The following ZBTB46 variants were observed in gnomAD, a reference collection of about 807,000 sequenced individuals.
ZBTB46 encodes the protein zinc finger and BTB domain containing 46.
ZBTB46 carries 8 observed loss-of-function variants against 44.1 expected under a neutral mutation model. The observed-to-expected ratio is 0.18, with a 90% CI of 0.11 to 0.33. The LOEUF (loss-of-function observed/expected upper bound fraction) is 0.33, where lower values mean the gene tolerates loss of function less well. Ranked by LOEUF, ZBTB46 falls within the 10% of genes least tolerant of loss-of-function variation. The pLI, the probability that ZBTB46 is intolerant of heterozygous loss-of-function variation, is 1.00. For missense variants in ZBTB46, 651 were observed against 847.7 expected (o/e 0.77, Z 2.88); for synonymous variants, 409 against 382.3 (o/e 1.07, Z -0.81).
intron 3 of ZBTB46, among the ~76,000 whole-genome samples, chr20:63,759,624 G>A (rs980803618): frequency 5.3e-5 from 8 of 152,162 alleles, no homozygotes; most frequent in African/African-American, 1.9e-4. Flanking sequence ...ACATTAGGAA[G>A]GCAAGAGCTC....
chr20:63,802,246 A>C (rs2092651517), intron 1 of ZBTB46, among the ~76,000 whole-genome samples: 1 of 151,726 alleles, frequency 6.6e-6, no homozygotes, highest in African/African-American at 2.4e-5. Context: ...AACATGGTAA[A>C]CCCCCGTCTC....
chr20:63,815,269 C>T (rs4809360), intron 1 of ZBTB46: 20,979 of 200,520 alleles, frequency 0.1, 1,492 homozygotes, highest in East Asian at 0.48. Context: ...AGGTGGGCAC[C>T]GGTGCAGTGA....
At chr20:63,769,274 C>T (rs2092346965) in intron 3 of ZBTB46, 3 of 985,426 alleles carry the variant, frequency 3.0e-6, no homozygotes, top group Non-Finnish European at 3.6e-6. Context: ...GCTGTGCCGG[C>T]TCCCTGGGCT....
chr20:63,765,880 T>C (rs1273307434), intron 3 of ZBTB46, among the ~76,000 whole-genome samples: 1 of 152,236 alleles, frequency 6.6e-6, no homozygotes, highest in East Asian at 1.9e-4. Context: ...CTATGGCACA[T>C]GTCTACAATT....
In ZBTB46 at chr20:63,790,775, G is replaced by T. The variant is rs776930529; in HGVS notation, c.-18C>A. 6.3e-7 allele frequency: 1 copy of T among 1,582,038 alleles called. No homozygotes were observed. The highest frequency in any genetic ancestry group is 8.6e-7 in the Non-Finnish European group (1 of 1,166,850). On this transcript the variant is annotated 5_prime_UTR_variant, in exon 2 of 5. Coordinates refer to ENST00000245663, the MANE Select transcript of ZBTB46 (RefSeq NM_001369741.1). The stretch of plus-strand genomic sequence containing the variant: ...TTGTTCATTTGGAAGCCCTGGTGTC[G>T]CCTCTTCTACAGACTCTGTGGAGGT...
intron 3 of ZBTB46, among the ~76,000 whole-genome samples, chr20:63,771,507 G>A (rs6089986): frequency 0.56 from 85,776 of 152,036 alleles, 24,261 homozygotes; most frequent in South Asian, 0.61. Context: ...TCAGACCCCG[G>A]GGCTCAGTTC....
chr20:63,807,604 CAA>C (rs1380981471), intron 1 of ZBTB46, among the ~76,000 whole-genome samples: 1 of 152,232 alleles, frequency 6.6e-6, no homozygotes, highest in African/African-American at 2.4e-5. Flanking sequence ...CTCGGCCTCC[CAA>C]AGTGTTGGGA....
At chr20:63,817,990 G>A (rs996228520) in intron 1 of ZBTB46, among the ~76,000 whole-genome samples, 3 of 152,180 alleles carry the variant, frequency 2.0e-5, no homozygotes, top group Non-Finnish European at 4.4e-5. Flanking sequence ...TCAGGCCATG[G>A]TCCCATGTAA....
In ZBTB46 at chr20:63,776,068, A is replaced by G. The variant is rs1246562035; in HGVS notation, c.938-106T>C. On this transcript the variant is annotated intron_variant, in intron 2 of 4. Transcript: ENST00000245663. The stretch of plus-strand genomic sequence containing the variant: ...ACAGCGACCAGCTTCTGCCTGAGCT[A>G]CAGAGCAGCATCAAGTCCAGCCCAC... The G allele has an allele frequency of 3.6e-6, 5 of 1,372,196 alleles. No homozygotes were observed. The African/African-American group carries it at 5.8e-5, about 16-fold the overall frequency. The allele number at this position is 1,372,196 out of a possible 1,614,324, so 85.0% of individuals were successfully genotyped here.
upstream of ZBTB46, among the ~76,000 whole-genome samples, chr20:63,831,422 GC>G (rs2092851687): frequency 7.0e-6 from 1 of 143,056 alleles, no homozygotes; most frequent in Non-Finnish European, 1.5e-5. Flanking sequence ...GCCCACGCCG[GC>G]CCGGCCGCCG....
rs1453797522 is a variant in ZBTB46, at chr20:63,789,848, C to G, written c.910G>C (p.Gly304Arg). The change falls in exon 2 of 5, where the codon GGG becomes CGG. Residue 304 changes from glycine to arginine, a missense_variant. Coordinates refer to ENST00000245663, the MANE Select transcript of ZBTB46 (RefSeq NM_001369741.1). ...SPVPSFLPTS[G>R]WPFSSRDSNA... ...GAGTCTCGGCTGCTGAACGGCCACC[C>G]CGACGTCGGCAGGAAGGACGGCACC... 2 of 1,611,966 alleles carry G rather than the reference C, an allele frequency of 1.2e-6. No individual in the cohort carries two copies. The highest frequency in any genetic ancestry group is 3.3e-5 in the Admixed American group (2 of 59,990).
At chr20:63,747,731 G>A (rs2092118671) in intron 4 of ZBTB46, among the ~76,000 whole-genome samples, 2 of 152,138 alleles carry the variant, frequency 1.3e-5, no homozygotes, top group South Asian at 4.1e-4. Flanking sequence ...CCTGTCCCAA[G>A]GGGATGCTGG....
chr20:63,807,026 C>T (rs1220241857), intron 1 of ZBTB46, among the ~76,000 whole-genome samples: 2 of 152,198 alleles, frequency 1.3e-5, no homozygotes, highest in Non-Finnish European at 2.9e-5. Flanking sequence ...TCATGATGCA[C>T]CTGCCTCGGC....
intron 1 of ZBTB46, among the ~76,000 whole-genome samples, chr20:63,801,534 A>G (rs2092645005): frequency 6.6e-6 from 1 of 152,168 alleles, no homozygotes; most frequent in Non-Finnish European, 1.5e-5. Flanking sequence ...CCCCTTTCAT[A>G]CATTGAAAGT....
In ZBTB46 at chr20:63,746,765, CT is replaced by C. The variant is rs1461869747; in HGVS notation, c.*164del. On this transcript the variant is annotated 3_prime_UTR_variant, in exon 5 of 5. Transcript: ENST00000245663. ...AGCACCCCTCTTGCTGGGGTCGCACCTGCTTAGCCCGCAGGGCTGGTTTCCG... is the reference window on the plus strand; with the variant it reads ...AGCACCCCTCTTGCTGGGGTCGCACCGCTTAGCCCGCAGGGCTGGTTTCCG... 1.7e-6 allele frequency: 2 copies of C among 1,161,908 alleles called. No individual in the cohort carries two copies. The highest frequency in any genetic ancestry group is 2.3e-6 in the Non-Finnish European group (2 of 869,946). The allele number at this position is 1,161,908 out of a possible 1,614,324, so 72.0% of individuals were successfully genotyped here.
intron 1 of ZBTB46, among the ~76,000 whole-genome samples, chr20:63,822,848 T>C (rs1267514974): frequency 6.6e-6 from 1 of 151,672 alleles, no homozygotes; most frequent in African/African-American, 2.4e-5. Context: ...ACCCTGTCTG[T>C]ACAAAACATG....
At chr20:63,761,141 G>A (rs1256179932) in intron 3 of ZBTB46, among the ~76,000 whole-genome samples, 1 of 149,600 alleles carries the variant, frequency 6.7e-6, no homozygotes, top group African/African-American at 2.4e-5. Flanking sequence ...TGGGATTACA[G>A]GCACCCACCA....
chr20:63,792,132 CTTAA>C (rs374160251), intron 1 of ZBTB46, among the ~76,000 whole-genome samples: 77 of 152,286 alleles, frequency 5.1e-4, no homozygotes, highest in African/African-American at 1.7e-3. Flanking sequence ...ACGGCCTCAT[CTTAA>C]TTAATCATAT....
rs536454767 is a variant in ZBTB46 at position 63,767,994 on chromosome 20, G to A, written c.1222+7684C>T. 5 of 985,456 alleles carry A rather than the reference G, an allele frequency of 5.1e-6. No homozygotes were observed. The South Asian group carries it at 2.3e-4, about 46-fold the overall frequency. 61.0% of individuals were successfully genotyped at this position (985,456 alleles called of 1,614,324 possible). ...TGAGAGGTGTCGATCTGGAACCAGA[G>A]ACAGACAAGTTACAGACCGTCAGGA... On this transcript the variant is annotated intron_variant, in intron 3 of 4. Coordinates refer to ENST00000245663, the MANE Select transcript of ZBTB46 (RefSeq NM_001369741.1). This position sits in a 1 kb window ranked among gnomAD's most constrained non-coding sequence, Gnocchi z 5.0.
Sources: allele counts gnomAD v4.1 joint callset (sites outside exome capture counted in the v4.1 genomes callset), GRCh38; gene constraint gnomAD v4.1.1; non-coding constraint Gnocchi (gnomAD v3.1); transcripts MANE v1.5; gene names NCBI Gene and HGNC (gene_info 2026-07-23, HGNC 2026-07-21).